WWC2: variants seen among roughly 807,000 people sequenced by gnomAD.
The protein encoded by WWC2 is WW and C2 domain containing 2.
Under a neutral mutation model 138.5 loss-of-function variants are expected in WWC2, and 101 were observed. The ratio of observed to expected loss-of-function variants is 0.73; its 90% CI spans 0.62 to 0.86. WWC2 has a LOEUF of 0.86. Among genes scored for constraint, WWC2 ranks in the 40% least tolerant of loss-of-function variants. The pLI is 0.00. For synonymous variants in WWC2, 558 were observed against 538.4 expected, an observed-to-expected ratio of 1.04 and a Z score of -0.50; for missense variants, 1,420 against 1,419.4, an observed-to-expected ratio of 1.00 and a Z score of -0.01.
rs1260286130 is a variant in WWC2 at position 183,284,401 on chromosome 4, A to G, written c.3048+11A>G. On this transcript the variant is annotated intron_variant, in intron 19 of 22. Coordinates refer to ENST00000403733, the MANE Select transcript of WWC2 (RefSeq NM_024949.6). The stretch of plus-strand genomic sequence containing the variant: ...CAGTACATCTGCAGGGTAAGGTGGC[A>G]GTGCTCGTGGTGAGGCGCTGGGACT... 2 of 1,608,968 alleles carry G rather than the reference A, an allele frequency of 1.2e-6. No individual in the cohort carries two copies. The highest frequency in any genetic ancestry group is 1.7e-6 in the Non-Finnish European group (2 of 1,179,038).
chr4:183,243,671 C>A (rs1736681594), intron 5 of WWC2, among the ~76,000 whole-genome samples: 1 of 150,630 alleles, frequency 6.6e-6, no homozygotes, highest in Admixed American at 6.6e-5. Context: ...TAAGTTTCTC[C>A]CTTGCCTTCT....
chr4:183,228,619 A>G (rs1302461272), intron 4 of WWC2, among the ~76,000 whole-genome samples: 1 of 152,138 alleles, frequency 6.6e-6, no homozygotes, highest in Non-Finnish European at 1.5e-5. Context: ...TTAAAAAATA[A>G]CAACAAAGCT....
intron 1 of WWC2, among the ~76,000 whole-genome samples, chr4:183,181,777 C>T (rs1375392964): frequency 1.3e-5 from 2 of 152,042 alleles, no homozygotes; most frequent in Non-Finnish European, 2.9e-5. Context: ...CTGCATTGTT[C>T]AGAAGTCAAC....
At chr4:183,244,025 C>A (rs931193840) in intron 5 of WWC2, among the ~76,000 whole-genome samples, 4 of 151,886 alleles carry the variant, frequency 2.6e-5, no homozygotes, top group Admixed American at 1.3e-4. Context: ...TCAGATTATA[C>A]CTTTCACATT....
At chr4:183,209,528 C>T (rs745896589) in intron 4 of WWC2, among the ~76,000 whole-genome samples, 11 of 152,150 alleles carry the variant, frequency 7.2e-5, no homozygotes, top group Non-Finnish European at 1.5e-4. Context: ...TGAGTCACTG[C>T]GCCTGGCCTA....
intron 4 of WWC2, among the ~76,000 whole-genome samples, chr4:183,216,474 A>T (rs890063420): frequency 1.3e-5 from 2 of 152,210 alleles, no homozygotes; most frequent in African/African-American, 2.4e-5. Context: ...ATTTTAAAAG[A>T]TCCAGCTTAC....
At chr4:183,282,560 A>G (rs1379278299) in intron 17 of WWC2, 148 bp from the exon 18 acceptor site, 2 of 747,886 alleles carry the variant, frequency 2.7e-6, no homozygotes, top group Non-Finnish European at 4.3e-6. Flanking sequence ...TTTAAATGAG[A>G]CATTTAGTTA....
At chr4:183,147,124 A>G (rs2111108155) in intron 1 of WWC2, among the ~76,000 whole-genome samples, 1 of 152,376 alleles carries the variant, frequency 6.6e-6, no homozygotes, top group South Asian at 2.1e-4. Flanking sequence ...TTCTGTGTTT[A>G]CACTGTATCA....
chr4:183,302,964 A>G (rs1445836909), intron 21 of WWC2, among the ~76,000 whole-genome samples: 1 of 151,388 alleles, frequency 6.6e-6, no homozygotes, highest in Non-Finnish European at 1.5e-5. Flanking sequence ...TTCTGGAGGC[A>G]GAGGCAGGAG....
chr4:183,160,450 A>G (rs1246066280), intron 1 of WWC2, among the ~76,000 whole-genome samples: 1 of 152,274 alleles, frequency 6.6e-6, no homozygotes, highest in African/African-American at 2.4e-5. Flanking sequence ...GTAGACCTGC[A>G]TGAAGCAGTG....
chr4:183,157,967 T>A (rs1475218595), intron 1 of WWC2, among the ~76,000 whole-genome samples: 3 of 152,204 alleles, frequency 2.0e-5, no homozygotes, highest in African/African-American at 7.2e-5. Context: ...GGTGTATTTT[T>A]AAGTTCCTTT....
chr4:183,176,581 C>T (rs1201185808), intron 1 of WWC2, among the ~76,000 whole-genome samples: 2 of 152,024 alleles, frequency 1.3e-5, no homozygotes, highest in Non-Finnish European at 2.9e-5. Context: ...TGCCACCACG[C>T]CCAGCTAATT....
At chr4:183,242,785 GAAAA>G (rs903167340) in intron 5 of WWC2, among the ~76,000 whole-genome samples, 5 of 151,606 alleles carry the variant, frequency 3.3e-5, no homozygotes, top group African/African-American at 1.2e-4. Context: ...GAAATTTTAA[GAAAA>G]AAAACAGCTT....
Position 183,265,155 on chromosome 4 carries a change from C to T in WWC2, c.2039+48C>T, listed in dbSNP as rs117032984. ...TTTAGCTCCAGCGAATCTCCATCGC[C>T]GTGGATGTGGGTTATATGCTGTAAA... On this transcript the variant is annotated intron_variant, in intron 12 of 22. Coordinates refer to ENST00000403733, the MANE Select transcript of WWC2 (RefSeq NM_024949.6). 3.6e-3 allele frequency: 5,707 copies of T among 1,569,562 alleles called. 157 individuals carry two copies. In the East Asian group the frequency reaches 0.065, roughly 18 times the overall value.
chr4:183,144,059 A>G (rs1435773298), intron 1 of WWC2, among the ~76,000 whole-genome samples: 2 of 152,228 alleles, frequency 1.3e-5, no homozygotes, highest in South Asian at 2.1e-4. Context: ...AAATTATAAT[A>G]AACTCTTCTG....
chr4:183,142,116 A>G (rs1211625385), intron 1 of WWC2, among the ~76,000 whole-genome samples: 4 of 152,210 alleles, frequency 2.6e-5, no homozygotes. Flanking sequence ...TCAGGGAAAT[A>G]TTTGAGAAAA....
chr4:183,275,153 T>TTTTG (rs79118941), intron 16 of WWC2, among the ~76,000 whole-genome samples: 58,053 of 151,710 alleles, frequency 0.38, 11,490 homozygotes, highest in Admixed American at 0.49. Context: ...GCACAGTTGA[T>TTTTG]TTTATCTTGT....
At chr4:183,195,334 C>G (rs947560737) in intron 2 of WWC2, among the ~76,000 whole-genome samples, 1 of 152,120 alleles carries the variant, frequency 6.6e-6, no homozygotes, top group African/African-American at 2.4e-5. Context: ...CATCCTGGGT[C>G]AACAAAAATA....
In WWC2 at chr4:183,317,036, A is replaced by G. The variant is rs181321507; in HGVS notation, c.*1307A>G. 8 of 152,296 alleles carry G rather than the reference A, an allele frequency of 5.3e-5. No homozygotes were observed. Among genetic ancestry groups the G allele is most frequent in the African/African-American group, 1.7e-4 (7 of 41,556 alleles). 9.4% of individuals were successfully genotyped at this position (152,296 alleles called of 1,614,324 possible). ...CAGCATCAAGGCTTTTAAAATATGT[A>G]GTATTTAGGCCATTTAAACCATACT... is the stretch of plus-strand genomic sequence containing the variant. On this transcript the variant is annotated 3_prime_UTR_variant, in exon 23 of 23. Transcript: ENST00000403733.
Sources: gnomAD v4.1 joint callset for allele counts (sites outside exome capture counted in the v4.1 genomes callset) on GRCh38, gnomAD v4.1.1 for gene constraint, MANE v1.5 for transcripts, NCBI Gene and HGNC (gene_info 2026-07-23, HGNC 2026-07-21) for gene names.